Variants in POU2F1 observed in about 807,000 individuals in gnomAD.
POU2F1 encodes POU class 2 homeobox 1.
POU2F1 carries 16 observed loss-of-function variants against 84.9 expected under a neutral mutation model. The observed-to-expected ratio is 0.19, with a 90% CI of 0.13 to 0.29. The LOEUF (loss-of-function observed/expected upper bound fraction) is 0.29. POU2F1 is among the 10% of genes least tolerant of loss of function. The pLI is 1.00. For synonymous variants in POU2F1, 368 were observed against 368.3 expected (o/e 1.00, Z 0.01); for missense variants, 738 against 942.6 (o/e 0.78, Z 2.84).
intron 1 of POU2F1, among the ~76,000 whole-genome samples, chr1:167,240,869 G>C (rs931018716): frequency 2.0e-5 from 3 of 152,112 alleles, no homozygotes; most frequent in Non-Finnish European, 4.4e-5. Flanking sequence ...AAGGCCGGGC[G>C]CGGTGGCTCA....
chr1:167,374,346 C>T, intron 6 of POU2F1, 50 bp downstream of exon 6: 1 of 1,494,238 alleles, frequency 6.7e-7, no homozygotes, highest in East Asian at 2.3e-5. Context: ...AATAAAGTGG[C>T]AGGTTTTATT....
chr1:167,282,837 G>A (rs775003914), intron 1 of POU2F1, among the ~76,000 whole-genome samples: 1 of 152,136 alleles, frequency 6.6e-6, no homozygotes, highest in South Asian at 2.1e-4. Flanking sequence ...TTGCTCCAGA[G>A]GCCTACTGTC....
At chr1:167,380,331 A>G (rs985787942) in intron 7 of POU2F1, 3 of 152,246 alleles carry the variant, frequency 2.0e-5, no homozygotes, top group African/African-American at 7.2e-5. Flanking sequence ...TGCCTCCTAC[A>G]TAGTAACCTT....
rs762373466 is a variant in POU2F1, at chr1:167,398,118, G to A, written c.1254G>A (p.Glu418=). The part of the protein sequence containing the change: ...SIETNIRVAL[E]KSFLENQKPT... ...AGACCAACATCCGTGTGGCCTTAGA[G>A]AAGAGTTTCTTGGAGGTCAGTGAGG... is the stretch of plus-strand genomic sequence containing the variant. Residue 418 remains glutamate (E), a synonymous_variant, in exon 11 of 16, where the codon GAG becomes GAA. Transcript: ENST00000367866. 2 of 1,614,014 alleles carry A rather than the reference G, an allele frequency of 1.2e-6. No individual in the cohort carries two copies. Among genetic ancestry groups the A allele is most frequent in the Admixed American group, 3.3e-5 (2 of 59,996 alleles).
At chr1:167,392,354 CAA>C (rs71572456) in intron 9 of POU2F1, among the ~76,000 whole-genome samples, 52 of 88,462 alleles carry the variant, frequency 5.9e-4, no homozygotes, top group Admixed American at 8.7e-4. Context: ...GACTCTGTCT[CAA>C]AAAAAAAAAA....
chr1:167,397,775 C>T (rs894225829), intron 10 of POU2F1, among the ~76,000 whole-genome samples: 4 of 152,126 alleles, frequency 2.6e-5, no homozygotes, highest in African/African-American at 9.7e-5. Context: ...GAACTCCTGA[C>T]CTCAAGTGAT....
intron 13 of POU2F1, among the ~76,000 whole-genome samples, chr1:167,411,579 G>GACCCC (rs1024401231): frequency 2.0e-5 from 3 of 152,088 alleles, no homozygotes; most frequent in Non-Finnish European, 4.4e-5. Context: ...TTTCTGAGGA[G>GACCCC]ACCCCTAAGG....
chr1:167,326,677 G>A (rs1164906049), intron 1 of POU2F1, among the ~76,000 whole-genome samples: 1 of 152,142 alleles, frequency 6.6e-6, no homozygotes, highest in African/African-American at 2.4e-5. Flanking sequence ...AGCCTGTGTG[G>A]GCTGGTAAAC....
Position 167,375,009 on chromosome 1 carries a change from G to A in POU2F1, c.591+713G>A, listed in dbSNP as rs1440036601. ...GTGAACCCAGGAGGTGGAGCTTGCAGTGAGCCGAGATCGCGCCACTAAAAA... is the reference window on the plus strand; with the variant it reads ...GTGAACCCAGGAGGTGGAGCTTGCAATGAGCCGAGATCGCGCCACTAAAAA... On this transcript the variant is annotated intron_variant, in intron 6 of 15. Transcript: ENST00000367866. Among the ~76,000 whole-genome samples, 10 of 151,690 alleles carry A rather than the reference G, an allele frequency of 6.6e-5. No individual in the cohort carries two copies. In the East Asian group the frequency reaches 1.9e-3, roughly 29 times the overall value.
rs577970534 is a variant in POU2F1 at position 167,402,654 on chromosome 1, A to G, written c.1555+1098A>G. ...CAGCTCCCATCAACCTCCCACTCCA[A>G]GGCTATTTGTGGATACCTACAGGTT... On this transcript the variant is annotated intron_variant, in intron 13 of 15. Transcript: ENST00000367866. 1.7e-4 allele frequency among the ~76,000 whole-genome samples: 26 copies of G among 152,314 alleles called. No homozygotes were observed. In the East Asian group the frequency reaches 4.4e-3, roughly 26 times the overall value.
chr1:167,260,482 G>A (rs769104433), intron 1 of POU2F1, among the ~76,000 whole-genome samples: 5 of 152,034 alleles, frequency 3.3e-5, no homozygotes, highest in Non-Finnish European at 7.4e-5. Flanking sequence ...TTTTCTTAAC[G>A]TTTGCTTTTT....
At position 167,399,384 on chromosome 1, in the gene POU2F1, G is replaced by T; in HGVS notation, c.1449+19G>T. 2 of 1,593,254 alleles carry T rather than the reference G, an allele frequency of 1.3e-6. No individual in the cohort carries two copies. Among genetic ancestry groups the T allele is most frequent in the Non-Finnish European group, 1.7e-6 (2 of 1,168,276 alleles). ...TTCACTGGTAAGAATAAAAAATAGGGAGTGCAAGCTCAAGGGCTAATTTTT... is the reference window on the plus strand; with the variant it reads ...TTCACTGGTAAGAATAAAAAATAGGTAGTGCAAGCTCAAGGGCTAATTTTT... On this transcript the variant is annotated intron_variant, in intron 12 of 15. Coordinates refer to ENST00000367866, the MANE Select transcript of POU2F1 (RefSeq NM_002697.4).
intron 1 of POU2F1, among the ~76,000 whole-genome samples, chr1:167,318,605 C>G (rs1373061856): frequency 1.3e-5 from 2 of 152,156 alleles, no homozygotes; most frequent in Non-Finnish European, 2.9e-5. Flanking sequence ...ATACTGAGAC[C>G]AGAAAGCATG....
chr1:167,376,359 G>A (rs960906238), intron 7 of POU2F1, among the ~76,000 whole-genome samples: 24 of 152,208 alleles, frequency 1.6e-4, no homozygotes, highest in Non-Finnish European at 3.1e-4. Context: ...GCCCTGAACT[G>A]CCATTCATCT....
intron 1 of POU2F1, among the ~76,000 whole-genome samples, chr1:167,275,621 C>T (rs919153387): frequency 6.6e-6 from 1 of 152,058 alleles, no homozygotes; most frequent in Admixed American, 6.6e-5. Flanking sequence ...TTTGAATCAC[C>T]TGGCAGAACT....
Position 167,419,751 on chromosome 1 carries a change from A to G in POU2F1, c.*3941A>G, listed in dbSNP as rs1159047314. ...ATTTGTTATCAGAAAGATCAATACTATCCCAATTTATTCAACTTGTTACCC... is the reference window on the plus strand; with the variant it reads ...ATTTGTTATCAGAAAGATCAATACTGTCCCAATTTATTCAACTTGTTACCC... On this transcript the variant is annotated 3_prime_UTR_variant, in exon 16 of 16. Coordinates refer to ENST00000367866, the MANE Select transcript of POU2F1 (RefSeq NM_002697.4). 2 of 152,224 alleles carry G rather than the reference A, an allele frequency of 1.3e-5. No individual in the cohort carries two copies. The highest frequency in any genetic ancestry group is 2.9e-5 in the Non-Finnish European group (2 of 68,040). 9.4% of individuals were successfully genotyped at this position (152,224 alleles called of 1,614,324 possible).
chr1:167,357,855 G>A (rs1227502422), intron 2 of POU2F1, among the ~76,000 whole-genome samples: 3 of 142,012 alleles, frequency 2.1e-5, no homozygotes, highest in Non-Finnish European at 4.5e-5. Flanking sequence ...TCAGGCTGGA[G>A]TGCAATGGCG....
chr1:167,365,490 T>C lies in POU2F1; in HGVS notation c.151T>C (p.Phe51Leu), dbSNP rs766375280. 1.9e-6 allele frequency: 3 copies of C among 1,602,032 alleles called. 1 individual carries two copies. In the South Asian group the frequency reaches 3.4e-5, roughly 18 times the overall value. Residue 51 changes from phenylalanine (F) to leucine (L), a missense_variant, in exon 3 of 16, where the codon TTT (phenylalanine) becomes CTT (leucine). Physicochemically the swap from Phe to Leu is conservative, Grantham distance 22. This residue lies in a region of POU2F1 where 161 missense variants were observed against 147.0 expected (regional missense o/e 1.10). Transcript: ENST00000367866. ...AGGCACACAAACCAATGGTCTGGAC[T>C]TTCAGAAGCAGCCTGTGCCTGTAGG... ...NTGTQTNGLD[F>L]QKQPVPVGGA...
intron 1 of POU2F1, among the ~76,000 whole-genome samples, chr1:167,309,748 T>C (rs532748722): frequency 6.6e-6 from 1 of 152,332 alleles, no homozygotes; most frequent in African/African-American, 2.4e-5. Flanking sequence ...TTAGGCATTT[T>C]ATATTATCTT....
Sources: allele counts gnomAD v4.1 joint callset (sites outside exome capture counted in the v4.1 genomes callset), GRCh38; gene constraint gnomAD v4.1.1; regional missense constraint gnomAD v4.1.1; transcripts MANE v1.5; gene names NCBI Gene and HGNC (gene_info 2026-07-23, HGNC 2026-07-21).